The following MYLK4 variants were observed in gnomAD, a reference collection of about 807,000 sequenced individuals.
MYLK4 encodes caMLCK like.
MYLK4 carries 46 observed loss-of-function variants against 48.1 expected under a neutral mutation model. The observed-to-expected ratio is 0.96, with a 90% CI of 0.75 to 1.22. MYLK4 has a LOEUF of 1.22. Ranked by LOEUF, MYLK4 falls within the 50% of genes most tolerant of loss-of-function variation. MYLK4 has a pLI of 0.00. For missense variants in MYLK4, 451 were observed against 486.1 expected (o/e 0.93, Z 0.68); for synonymous variants, 170 against 180.8 (o/e 0.94, Z 0.48).
chr6:2,678,962 A>G (rs1761192072), intron 9 of MYLK4, among the ~76,000 whole-genome samples: 2 of 152,100 alleles, frequency 1.3e-5, no homozygotes, highest in South Asian at 2.1e-4. Flanking sequence ...TCAGCCTCCC[A>G]AAGTGCTGGG....
chr6:2,689,257 C>G (rs1369050032), intron 3 of MYLK4, among the ~76,000 whole-genome samples: 1 of 152,138 alleles, frequency 6.6e-6, no homozygotes, highest in Non-Finnish European at 1.5e-5. Flanking sequence ...CAACACAGTC[C>G]AAACAGGTAA....
In MYLK4 at chr6:2,685,185, CG is replaced by C; in HGVS notation, c.545+110del. 1 of 745,436 alleles carries C rather than the reference CG, an allele frequency of 1.3e-6. No individual in the cohort carries two copies. Among genetic ancestry groups the C allele is most frequent in the Non-Finnish European group, 2.4e-6 (1 of 414,150 alleles). The allele number at this position is 745,436 out of a possible 1,614,324, so 46.2% of individuals were successfully genotyped here. On this transcript the variant is annotated intron_variant, in intron 6 of 12. Coordinates refer to ENST00000274643, the MANE Select transcript of MYLK4 (RefSeq NM_001012418.5). The surrounding 1 kb of genome is among the most constrained non-coding windows in gnomAD (Gnocchi z 4.5). ...TGTGATCCGCGCGAATCAGAGTCTG[CG>C]GGGGCGAGCTTGGTTCTGGTCCCGC...
At chr6:2,724,479 G>A (rs1355665219) in intron 2 of MYLK4, among the ~76,000 whole-genome samples, 1 of 152,204 alleles carries the variant, frequency 6.6e-6, no homozygotes, top group Non-Finnish European at 1.5e-5. Flanking sequence ...TCGTCACTTG[G>A]TGCTGGAGAA....
intron 2 of MYLK4, among the ~76,000 whole-genome samples, chr6:2,732,447 G>A (rs1343770927): frequency 3.3e-5 from 5 of 152,148 alleles, no homozygotes; most frequent in Non-Finnish European, 7.4e-5. Flanking sequence ...GGATACCTGA[G>A]CACTCAGGAA....
intron 2 of MYLK4, among the ~76,000 whole-genome samples, chr6:2,730,175 A>C (rs1301055796): frequency 6.6e-6 from 1 of 152,218 alleles, no homozygotes; most frequent in Non-Finnish European, 1.5e-5. Flanking sequence ...GGCTGAAAGC[A>C]AGCGTGTGCT....
At position 2,705,917 on chromosome 6, in the gene MYLK4, G is replaced by C. The variant is rs2113230543; in HGVS notation, c.160-13058C>G. Among the ~76,000 whole-genome samples the C allele has an allele frequency of 3.5e-5, 3 of 84,918 alleles. 1 individual carries two copies. The South Asian group carries it at 1.3e-3, about 36-fold the overall frequency. 55.7% of individuals were successfully genotyped at this position (84,918 alleles called of 152,430 possible). A position where few individuals can be genotyped will look rare whatever the true frequency, so the allele number is the denominator to read the frequency against. Reference sequence around the variant, plus strand: ...AATTATGTAATCCATTTGAATTCGGGGGAAAAAAAAAAAAAACCTTAAAGA... The same window carrying C: ...AATTATGTAATCCATTTGAATTCGGCGGAAAAAAAAAAAAAACCTTAAAGA... On this transcript the variant is annotated intron_variant, in intron 2 of 12. Coordinates refer to ENST00000274643, the MANE Select transcript of MYLK4 (RefSeq NM_001012418.5).
At chr6:2,766,004 G>C in the MYLK4 span, 2 of 1,359,442 alleles carry the variant, frequency 1.5e-6, no homozygotes, top group Non-Finnish European at 1.9e-6. Context: ...CGACTTCCCG[G>C]TGGCCCGCTC....
chr6:2,710,867 C>T (rs1255552355), intron 2 of MYLK4, among the ~76,000 whole-genome samples: 3 of 152,232 alleles, frequency 2.0e-5, no homozygotes, highest in African/African-American at 4.8e-5. Flanking sequence ...GACTGTCTTA[C>T]AGTAGCTTAT....
At chr6:2,757,013 A>T in the MYLK4 span, among the ~76,000 whole-genome samples, 18 of 152,328 alleles carry the variant, frequency 1.2e-4, no homozygotes, top group East Asian at 5.8e-4. Flanking sequence ...TGCTCTTCTG[A>T]CCAAATGTTG....
At chr6:2,735,302 C>A (rs1763630016) in intron 2 of MYLK4, among the ~76,000 whole-genome samples, 1 of 152,136 alleles carries the variant, frequency 6.6e-6, no homozygotes, top group Non-Finnish European at 1.5e-5. Context: ...TGAAGAAAGC[C>A]AGGGCATGTC....
chr6:2,738,075 A>T (rs1353594131), intron 2 of MYLK4, among the ~76,000 whole-genome samples: 2 of 151,014 alleles, frequency 1.3e-5, no homozygotes, highest in Admixed American at 6.6e-5. Flanking sequence ...AGCAAGAGGC[A>T]GAAACGAAAT....
rs1197658331 is a variant in MYLK4 at position 2,744,916 on chromosome 6, C to T, written c.159+4220G>A. Among the ~76,000 whole-genome samples, 8 of 152,258 alleles carry T rather than the reference C, an allele frequency of 5.3e-5. No homozygotes were observed. In the South Asian group the frequency reaches 6.2e-4, roughly 12 times the overall value. On this transcript the variant is annotated intron_variant, in intron 2 of 12. Coordinates refer to ENST00000274643, the MANE Select transcript of MYLK4 (RefSeq NM_001012418.5). ...GATTTGCTTAGGGGTCTTCCAGGCGCGGATGTGGAACGGTGGGCTATGCTG... is the reference window on the plus strand; with the variant it reads ...GATTTGCTTAGGGGTCTTCCAGGCGTGGATGTGGAACGGTGGGCTATGCTG...
At chr6:2,752,138 C>T (rs1764306383), upstream of MYLK4, among the ~76,000 whole-genome samples, 1 of 152,212 alleles carries the variant, frequency 6.6e-6, no homozygotes, top group Non-Finnish European at 1.5e-5. Context: ...TTGGCTCCAG[C>T]AAACCAACCA....
chr6:2,693,199 A>G (rs1413820433), intron 2 of MYLK4, among the ~76,000 whole-genome samples: 1 of 152,236 alleles, frequency 6.6e-6, no homozygotes, highest in African/African-American at 2.4e-5. Flanking sequence ...GAAAGCCTGT[A>G]TAGACTACAG....
At chr6:2,678,112 C>T in intron 10 of MYLK4, 108 bp downstream of exon 10, 1 of 1,383,272 alleles carries the variant, frequency 7.2e-7, no homozygotes, top group East Asian at 2.3e-5. Flanking sequence ...TGACTTTGCG[C>T]AAGCATCACA....
intron 2 of MYLK4, among the ~76,000 whole-genome samples, chr6:2,696,714 G>T (rs1762074327): frequency 6.6e-6 from 1 of 152,190 alleles, no homozygotes; most frequent in South Asian, 2.1e-4. Context: ...AAAATATATT[G>T]ATACAATTGG....
At chr6:2,744,155 G>A (rs1485204737) in intron 2 of MYLK4, 3 of 396,738 alleles carry the variant, frequency 7.6e-6, no homozygotes, top group Non-Finnish European at 1.3e-5. Flanking sequence ...GGGTGTCACC[G>A]AATTACAGAG....
chr6:2,718,206 A>G (rs886586904), intron 2 of MYLK4, among the ~76,000 whole-genome samples: 28 of 151,406 alleles, frequency 1.8e-4, no homozygotes, highest in Non-Finnish European at 3.7e-4. Context: ...AAAAAAGAAA[A>G]AGAGAAAGAA....
the MYLK4 span, among the ~76,000 whole-genome samples, chr6:2,757,980 G>A: frequency 6.6e-6 from 1 of 152,184 alleles, no homozygotes; most frequent in Non-Finnish European, 1.5e-5. Flanking sequence ...CAGTCTTCCC[G>A]AAACTCAGTG....
Sources: gnomAD v4.1 joint callset for allele counts (sites outside exome capture counted in the v4.1 genomes callset) on GRCh38, gnomAD v4.1.1 for gene constraint, Gnocchi (gnomAD v3.1) non-coding constraint, MANE v1.5 for transcripts, NCBI Gene and HGNC (gene_info 2026-07-23, HGNC 2026-07-21) for gene names.